The following COLGALT2 variants were observed in gnomAD, a reference collection of about 807,000 sequenced individuals.
The protein encoded by COLGALT2 is collagen beta(1-O)galactosyltransferase 2.
In COLGALT2, 49 loss-of-function variants were observed where a neutral mutation model predicts 73.4. That is an observed-to-expected ratio of 0.67 (90% CI 0.53 to 0.85). COLGALT2 has a LOEUF of 0.85. Among genes scored for constraint, COLGALT2 ranks in the 40% least tolerant of loss-of-function variants. The pLI, the probability that COLGALT2 is intolerant of heterozygous loss-of-function variation, is 0.00. For missense variants in COLGALT2, 722 were observed against 790.2 expected (o/e 0.91, Z 1.03); for synonymous variants, 295 against 307.6 (o/e 0.96, Z 0.43).
At chr1:183,939,418 G>T (rs979782470) in intron 11 of COLGALT2, among the ~76,000 whole-genome samples, 5 of 152,160 alleles carry the variant, frequency 3.3e-5, no homozygotes, top group African/African-American at 1.2e-4. Flanking sequence ...GCAGTGATGG[G>T]GCATGTGGCA....
intron 11 of COLGALT2, among the ~76,000 whole-genome samples, chr1:183,939,940 T>C (rs896444648): frequency 1.3e-5 from 2 of 152,182 alleles, no homozygotes; most frequent in South Asian, 2.1e-4. Flanking sequence ...TTATAGTTTA[T>C]TGGGGAGATT....
At chr1:183,932,593 C>G (rs1016098077), downstream of COLGALT2, among the ~76,000 whole-genome samples, 3 of 152,178 alleles carry the variant, frequency 2.0e-5, no homozygotes, top group Admixed American at 6.5e-5. Context: ...GAGACTGACT[C>G]ACGGAGCTGG....
At chr1:184,014,462 T>A (rs1648934128) in intron 1 of COLGALT2, among the ~76,000 whole-genome samples, 1 of 152,152 alleles carries the variant, frequency 6.6e-6, no homozygotes, top group Non-Finnish European at 1.5e-5. Context: ...AAGGAAACTT[T>A]CAGTGGAGTG....
Position 184,037,577 on chromosome 1 carries a change from G to C in COLGALT2, c.-220C>G. On this transcript the variant is annotated 5_prime_UTR_variant, in exon 1 of 12. Coordinates refer to ENST00000361927, the MANE Select transcript of COLGALT2 (RefSeq NM_015101.4). ...CCAGGCCCCAGTGCGGGTGCGCAGC[G>C]TACCTGCAGCCGCTGGCGCTCCCCT... The C allele has an allele frequency of 1.8e-6, 2 of 1,101,262 alleles. No individual in the cohort carries two copies. The highest frequency in any genetic ancestry group is 2.2e-6 in the Non-Finnish European group (2 of 905,718). The allele number at this position is 1,101,262 out of a possible 1,614,324, so 68.2% of individuals were successfully genotyped here.
At chr1:183,954,471 T>C (rs936981432) in intron 7 of COLGALT2, among the ~76,000 whole-genome samples, 6 of 152,224 alleles carry the variant, frequency 3.9e-5, no homozygotes, top group Non-Finnish European at 7.3e-5. Flanking sequence ...AAAAGGTTGA[T>C]TAAAAATATC....
downstream of COLGALT2, among the ~76,000 whole-genome samples, chr1:183,933,247 T>G (rs1669882103): frequency 6.6e-6 from 1 of 152,186 alleles, no homozygotes; most frequent in Non-Finnish European, 1.5e-5. Flanking sequence ...GCGATGGGCT[T>G]GCATTAGTCT....
At chr1:183,940,450 A>G (rs1175437361) in intron 11 of COLGALT2, 131 bp downstream of exon 11, 7 of 860,158 alleles carry the variant, frequency 8.1e-6, no homozygotes, top group African/African-American at 1.7e-5. Flanking sequence ...GGCTCTCTTA[A>G]TCATAATTAT....
intron 9 of COLGALT2, 29 bp from the exon 10 acceptor site, chr1:183,944,352 C>T (rs201286913): frequency 6.3e-7 from 1 of 1,588,802 alleles, no homozygotes; most frequent in Admixed American, 1.9e-5. Context: ...GGAAGATACC[C>T]TATGAAAAGT....
intron 1 of COLGALT2, among the ~76,000 whole-genome samples, chr1:184,006,027 C>T (rs999441804): frequency 1.5e-4 from 23 of 152,050 alleles, no homozygotes; most frequent in African/African-American, 5.1e-4. Flanking sequence ...AGTTTCTTTC[C>T]CCATCCTGCT....
chr1:183,964,533 C>T (rs931893366), intron 5 of COLGALT2: 1 of 153,524 alleles, frequency 6.5e-6, no homozygotes, highest in Non-Finnish European at 1.4e-5. Context: ...CCAAGATTCT[C>T]CCTGGTTTTA....
At chr1:183,935,631 A>C (rs376849055), downstream of COLGALT2, among the ~76,000 whole-genome samples, 10 of 152,234 alleles carry the variant, frequency 6.6e-5, no homozygotes, top group African/African-American at 2.2e-4. Context: ...AATCCTTTTC[A>C]GCTTACATAA....
chr1:183,992,323 G>A (rs1013240135), intron 1 of COLGALT2, among the ~76,000 whole-genome samples: 2 of 152,158 alleles, frequency 1.3e-5, no homozygotes, highest in Non-Finnish European at 2.9e-5. Flanking sequence ...CTGTCCTTTG[G>A]AGTGAAGTTT....
At chr1:183,947,259 C>A (rs573007435) in intron 8 of COLGALT2, among the ~76,000 whole-genome samples, 2 of 152,242 alleles carry the variant, frequency 1.3e-5, no homozygotes, top group East Asian at 3.9e-4. Flanking sequence ...TAGCAGACAT[C>A]TATAGAACAT....
intron 1 of COLGALT2, among the ~76,000 whole-genome samples, chr1:183,983,442 A>G (rs1671405732): frequency 6.6e-6 from 1 of 152,196 alleles, no homozygotes; most frequent in Admixed American, 6.5e-5. Flanking sequence ...ACAAAAGTAT[A>G]TTTCCATTTG....
chr1:183,989,174 T>C (rs1671566543), intron 1 of COLGALT2, among the ~76,000 whole-genome samples: 1 of 152,184 alleles, frequency 6.6e-6, no homozygotes, highest in Non-Finnish European at 1.5e-5. Flanking sequence ...ATGAGTATCT[T>C]GGTTGTACAT....
chr1:183,962,423 T>A (rs998102607), intron 6 of COLGALT2, among the ~76,000 whole-genome samples: 5 of 152,076 alleles, frequency 3.3e-5, no homozygotes, highest in African/African-American at 1.2e-4. Flanking sequence ...CCTCCTAAAG[T>A]GCTGGGATTA....
At chr1:184,025,742 T>C (rs1469160562) in intron 1 of COLGALT2, among the ~76,000 whole-genome samples, 1 of 152,178 alleles carries the variant, frequency 6.6e-6, no homozygotes, top group African/African-American at 2.4e-5. Context: ...CAAACACCTT[T>C]CGCACAGTAT....
chr1:183,952,443 A>G (rs965024352), intron 7 of COLGALT2, among the ~76,000 whole-genome samples: 1 of 152,228 alleles, frequency 6.6e-6, no homozygotes, highest in African/African-American at 2.4e-5. Flanking sequence ...TGTTTAAGAC[A>G]GGTGGTTTAT....
At chr1:184,022,489 T>A (rs1231152667) in intron 1 of COLGALT2, among the ~76,000 whole-genome samples, 1 of 152,144 alleles carries the variant, frequency 6.6e-6, no homozygotes, top group African/African-American at 2.4e-5. Flanking sequence ...GAGTGAAATT[T>A]AAATAAAAAT....
Sources: allele counts gnomAD v4.1 joint callset (sites outside exome capture counted in the v4.1 genomes callset), GRCh38; gene constraint gnomAD v4.1.1; transcripts MANE v1.5; gene names NCBI Gene and HGNC (gene_info 2026-07-23, HGNC 2026-07-21).